MIPOL1: variants seen among roughly 807,000 people sequenced by gnomAD.
The protein encoded by MIPOL1 is mirror-image polydactyly 1.
Under a neutral mutation model 60.9 loss-of-function variants are expected in MIPOL1, and 57 were observed. The observed-to-expected ratio is 0.94, with a 90% CI of 0.76 to 1.17. MIPOL1 has a LOEUF of 1.17. Ranked by LOEUF, MIPOL1 falls within the 50% of genes most tolerant of loss-of-function variation. The pLI is 0.00. For missense variants in MIPOL1, 551 were observed against 511.6 expected, an observed-to-expected ratio of 1.08 and a Z score of -0.74; for synonymous variants, 179 against 168.8, an observed-to-expected ratio of 1.06 and a Z score of -0.47.
At chr14:37,369,747 C>T (rs2092587738) in intron 10 of MIPOL1, 123 bp downstream of exon 10, 3 of 584,984 alleles carry the variant, frequency 5.1e-6, no homozygotes, top group Non-Finnish European at 9.0e-6. Context: ...TGCCAACAAC[C>T]CCTTCTTTAA....
In MIPOL1 at chr14:37,299,143, T is replaced by C. The variant is rs575678458; in HGVS notation, c.624-8913T>C. On this transcript the variant is annotated intron_variant, in intron 7 of 12. Coordinates refer to ENST00000684589, the MANE Select transcript of MIPOL1 (RefSeq NM_001388067.1). ...TAAAAAATGATGAGTTCATGTCCTT[T>C]GTAGGGACATGGATGAAGCTGGAAA... Among the ~76,000 whole-genome samples the C allele has an allele frequency of 5.5e-3, 835 of 152,276 alleles. 12 individuals are homozygous for C. Among genetic ancestry groups the C allele is most frequent in the African/African-American group, 0.019 (780 of 41,528 alleles).
chr14:37,209,231 G>T (rs902983941), intron 1 of MIPOL1, among the ~76,000 whole-genome samples: 1 of 152,114 alleles, frequency 6.6e-6, no homozygotes, highest in African/African-American at 2.4e-5. Flanking sequence ...ATTAATCTGT[G>T]CATAGATTTG....
intron 11 of MIPOL1, among the ~76,000 whole-genome samples, chr14:37,497,222 A>G (rs935083483): frequency 6.6e-6 from 1 of 152,238 alleles, no homozygotes. Flanking sequence ...ACCATTCAGG[A>G]CATAGGCATG....
intron 9 of MIPOL1, among the ~76,000 whole-genome samples, chr14:37,336,945 A>G (rs1046144440): frequency 6.6e-6 from 1 of 151,804 alleles, no homozygotes; most frequent in Non-Finnish European, 1.5e-5. Context: ...TATTTTTAGT[A>G]GAGATGGGGT....
At chr14:37,486,544 C>T (rs1336948093) in intron 11 of MIPOL1, among the ~76,000 whole-genome samples, 4 of 152,152 alleles carry the variant, frequency 2.6e-5, no homozygotes, top group Non-Finnish European at 5.9e-5. Flanking sequence ...AGAGATCCTT[C>T]ACATCCCTTG....
chr14:37,438,503 C>G (rs2094196543), intron 11 of MIPOL1, among the ~76,000 whole-genome samples: 1 of 152,176 alleles, frequency 6.6e-6, no homozygotes, highest in Non-Finnish European at 1.5e-5. Context: ...ATCTAATCCT[C>G]CTGATAGCTG....
intron 11 of MIPOL1, among the ~76,000 whole-genome samples, chr14:37,428,202 A>G (rs571826600): frequency 2.0e-5 from 3 of 152,268 alleles, no homozygotes; most frequent in East Asian, 1.9e-4. Flanking sequence ...CTGACTCTCA[A>G]CTCTCCAACA....
intron 1 of MIPOL1, among the ~76,000 whole-genome samples, chr14:37,221,921 A>G (rs1226552353): frequency 6.6e-6 from 1 of 151,802 alleles, no homozygotes; most frequent in Non-Finnish European, 1.5e-5. Flanking sequence ...AGCAGCCCCA[A>G]AAGTTGTTCC....
intron 1 of MIPOL1, among the ~76,000 whole-genome samples, chr14:37,218,609 T>A (rs910124722): frequency 1.3e-5 from 2 of 152,146 alleles, no homozygotes; most frequent in African/African-American, 4.8e-5. Context: ...ATGGGGTTTT[T>A]AAATAAATGT....
chr14:37,327,624 G>A (rs8013599), intron 9 of MIPOL1, among the ~76,000 whole-genome samples: 150,867 of 152,308 alleles, frequency 0.99, 74,739 homozygotes, highest in Middle Eastern at 1. Context: ...AGTGGAGAAA[G>A]TATATGTTTG....
intron 9 of MIPOL1, among the ~76,000 whole-genome samples, chr14:37,322,060 TC>T (rs1447934811): frequency 2.6e-5 from 4 of 152,022 alleles, no homozygotes; most frequent in Non-Finnish European, 5.9e-5. Flanking sequence ...TTATTAGGCA[TC>T]CCTCTGTCCA....
intron 11 of MIPOL1, among the ~76,000 whole-genome samples, chr14:37,439,199 C>T (rs2094205830): frequency 6.6e-6 from 1 of 152,058 alleles, no homozygotes; most frequent in Non-Finnish European, 1.5e-5. Context: ...CATGGCAAGT[C>T]ACAGAAGGGA....
chr14:37,289,112 G>A (rs957029257), intron 7 of MIPOL1, among the ~76,000 whole-genome samples: 1 of 152,162 alleles, frequency 6.6e-6, no homozygotes, highest in African/African-American at 2.4e-5. Flanking sequence ...TTTTATCATA[G>A]ATGGCATTTT....
chr14:37,361,977 C>G (rs1222158994), intron 9 of MIPOL1, among the ~76,000 whole-genome samples: 3 of 152,062 alleles, frequency 2.0e-5, no homozygotes, highest in Non-Finnish European at 4.4e-5. Context: ...AGATCTTCCT[C>G]CTTCCCTTTG....
intron 6 of MIPOL1, among the ~76,000 whole-genome samples, chr14:37,275,199 C>G (rs2083559903): frequency 6.6e-6 from 1 of 151,004 alleles, no homozygotes; most frequent in Non-Finnish European, 1.5e-5. Flanking sequence ...CCATCTCACT[C>G]CTTATGTGTT....
chr14:37,217,224 G>A (rs751683203), intron 1 of MIPOL1, among the ~76,000 whole-genome samples: 1 of 152,146 alleles, frequency 6.6e-6, no homozygotes, highest in African/African-American at 2.4e-5. Flanking sequence ...GAACAGGCTA[G>A]TAATAAGTAA....
At chr14:37,479,999 AATCTAAAC>A (rs1219991935) in intron 11 of MIPOL1, among the ~76,000 whole-genome samples, 1 of 152,134 alleles carries the variant, frequency 6.6e-6, no homozygotes, top group Non-Finnish European at 1.5e-5. Context: ...AAAAGTAGAA[AATCTAAAC>A]AGACCAGTAA....
intron 6 of MIPOL1, among the ~76,000 whole-genome samples, chr14:37,272,157 C>T (rs2083347860): frequency 1.3e-5 from 2 of 151,300 alleles, no homozygotes; most frequent in African/African-American, 2.4e-5. Flanking sequence ...TTATAGCATT[C>T]TAAATTGATG....
intron 1 of MIPOL1, among the ~76,000 whole-genome samples, chr14:37,231,002 T>TGG (rs1970544936): frequency 1.3e-5 from 2 of 152,144 alleles, no homozygotes; most frequent in African/African-American, 4.8e-5. Context: ...ATGTGTACAG[T>TGG]TGATTGGTGG....
Sources: gnomAD v4.1 joint callset for allele counts (sites outside exome capture counted in the v4.1 genomes callset) on GRCh38, gnomAD v4.1.1 for gene constraint, MANE v1.5 for transcripts, NCBI Gene and HGNC (gene_info 2026-07-23, HGNC 2026-07-21) for gene names.